Variants in CDH12 observed in about 807,000 individuals in gnomAD.
CDH12 encodes the protein cadherin 12.
CDH12 carries 41 observed loss-of-function variants against 74.1 expected under a neutral mutation model. The observed-to-expected ratio is 0.55, with a 90% CI of 0.43 to 0.72. The LOEUF (loss-of-function observed/expected upper bound fraction) is 0.72. Ranked by LOEUF, CDH12 falls within the 30% of genes least tolerant of loss-of-function variation. CDH12 has a pLI of 0.00. For missense variants in CDH12, 945 were observed against 977.2 expected (o/e 0.97, Z 0.44); for synonymous variants, 399 against 355.0 (o/e 1.12, Z -1.39).
chr5:22,408,588 T>C (rs934443388), intron 2 of CDH12, among the ~76,000 whole-genome samples: 2 of 149,850 alleles, frequency 1.3e-5, no homozygotes, highest in Non-Finnish European at 3.0e-5. Context: ...TTATTATATA[T>C]ACTATATATA....
chr5:22,014,511 G>T (rs1268452851), intron 5 of CDH12, among the ~76,000 whole-genome samples: 1 of 152,036 alleles, frequency 6.6e-6, no homozygotes, highest in Non-Finnish European at 1.5e-5. Context: ...TATATAATAT[G>T]TAATGAAGGT....
intron 4 of CDH12, among the ~76,000 whole-genome samples, chr5:22,090,602 T>TAC (rs1405282683): frequency 6.0e-5 from 8 of 132,930 alleles, no homozygotes; most frequent in South Asian, 2.3e-4. Context: ...CACACATACA[T>TAC]ACATACACAC....
chr5:22,798,212 C>T (rs1748328647), intron 1 of CDH12, among the ~76,000 whole-genome samples: 1 of 152,044 alleles, frequency 6.6e-6, no homozygotes, highest in Non-Finnish European at 1.5e-5. Context: ...CTCAATCTAC[C>T]ATTTTGATAT....
chr5:22,480,629 T>A (rs1746350814), intron 2 of CDH12, among the ~76,000 whole-genome samples: 1 of 151,572 alleles, frequency 6.6e-6, no homozygotes, highest in Non-Finnish European at 1.5e-5. Flanking sequence ...TATCCAATAG[T>A]GTCCAAAGGA....
intron 5 of CDH12, among the ~76,000 whole-genome samples, chr5:22,018,307 T>C (rs1737734792): frequency 6.6e-6 from 1 of 152,194 alleles, no homozygotes; most frequent in Non-Finnish European, 1.5e-5. Context: ...AATGATAGCA[T>C]ACATCTTTAG....
In CDH12 at chr5:22,632,647, G is replaced by A. The variant is rs1222484001; in HGVS notation, c.-522-127283C>T. On this transcript the variant is annotated intron_variant, in intron 1 of 14. Transcript: ENST00000382254. Reference sequence around the variant, plus strand: ...ATAATATGCAGAAAGAAAAATAACTGTAAAGGTGAACAGCACCTCAGAGAT... The same window carrying A: ...ATAATATGCAGAAAGAAAAATAACTATAAAGGTGAACAGCACCTCAGAGAT... Among the ~76,000 whole-genome samples the A allele has an allele frequency of 2.0e-5, 3 of 152,026 alleles. No individual in the cohort carries two copies. The East Asian group carries it at 5.8e-4, about 29-fold the overall frequency.
chr5:22,130,818 G>A (rs1746139931), intron 4 of CDH12, among the ~76,000 whole-genome samples: 1 of 151,854 alleles, frequency 6.6e-6, no homozygotes, highest in South Asian at 2.1e-4. Flanking sequence ...CATCATATAT[G>A]AAAACTTCTC....
intron 4 of CDH12, among the ~76,000 whole-genome samples, chr5:22,080,829 G>C (rs1044688384): frequency 1.3e-5 from 2 of 151,800 alleles, no homozygotes; most frequent in Admixed American, 6.6e-5. Flanking sequence ...TCCCAGGCTG[G>C]AGCGCAGTGG....
chr5:22,652,914 A>G (rs1224361197), intron 1 of CDH12, among the ~76,000 whole-genome samples: 1 of 152,192 alleles, frequency 6.6e-6, no homozygotes, highest in Admixed American at 6.5e-5. Context: ...GGTAGAAGAG[A>G]TAACATTGAT....
chr5:21,887,421 C>G (rs1752687391), intron 6 of CDH12, among the ~76,000 whole-genome samples: 2 of 152,098 alleles, frequency 1.3e-5, no homozygotes, highest in Admixed American at 1.3e-4. Context: ...AATTCTGTCT[C>G]CAAATGAACA....
intron 4 of CDH12, among the ~76,000 whole-genome samples, chr5:22,099,047 C>T (rs975430413): frequency 6.6e-6 from 1 of 152,148 alleles, no homozygotes; most frequent in Non-Finnish European, 1.5e-5. Flanking sequence ...GATTTGCCCC[C>T]ACCCAGGACT....
At chr5:22,448,905 G>A (rs1365006534) in intron 2 of CDH12, among the ~76,000 whole-genome samples, 1 of 151,802 alleles carries the variant, frequency 6.6e-6, no homozygotes, top group Non-Finnish European at 1.5e-5. Context: ...TTCAAGAAAT[G>A]TCAATAAAAA....
chr5:22,215,200 T>A (rs1276496270), intron 3 of CDH12, among the ~76,000 whole-genome samples: 3 of 151,948 alleles, frequency 2.0e-5, no homozygotes, highest in African/African-American at 7.2e-5. Context: ...TGTTGCGTAG[T>A]CAGTACAGAA....
chr5:22,048,956 A>G lies in CDH12; in HGVS notation c.231+29490T>C, dbSNP rs568230105. 2.0e-5 allele frequency among the ~76,000 whole-genome samples: 3 copies of G among 152,132 alleles called. No individual in the cohort carries two copies. In the South Asian group the frequency reaches 6.2e-4, roughly 31 times the overall value. ...ATTTAGTAGAAAGATTAATCCATTC[A>G]TACTCCAAAAAGAAACTATATTTTT... is the stretch of plus-strand genomic sequence containing the variant. On this transcript the variant is annotated intron_variant, in intron 5 of 14. Transcript: ENST00000382254.
At chr5:22,551,668 G>C (rs1412773220) in intron 1 of CDH12, among the ~76,000 whole-genome samples, 1 of 151,742 alleles carries the variant, frequency 6.6e-6, no homozygotes, top group Non-Finnish European at 1.5e-5. Flanking sequence ...TCTTGTGAGG[G>C]ACACAGATAG....
chr5:21,883,872 A>G (rs1752490147), intron 6 of CDH12: 1 of 1,607,024 alleles, frequency 6.2e-7, no homozygotes, highest in Non-Finnish European at 8.5e-7. Flanking sequence ...CCTTAATGCT[A>G]CAAGAGCTGC....
At chr5:21,941,440 T>TA (rs781268485) in intron 6 of CDH12, among the ~76,000 whole-genome samples, 7 of 152,162 alleles carry the variant, frequency 4.6e-5, no homozygotes, top group South Asian at 2.1e-4. Flanking sequence ...GAGTTGTTTT[T>TA]AAAAAATGAG....
intron 6 of CDH12, among the ~76,000 whole-genome samples, chr5:21,962,582 C>T (rs1176724469): frequency 6.6e-6 from 1 of 151,964 alleles, no homozygotes; most frequent in African/African-American, 2.4e-5. Flanking sequence ...TTTCCTGCTT[C>T]TTTGCATAAC....
intron 1 of CDH12, among the ~76,000 whole-genome samples, chr5:22,708,896 C>T (rs542373238): frequency 1.3e-5 from 2 of 152,192 alleles, no homozygotes; most frequent in East Asian, 3.9e-4. Flanking sequence ...AAGTTAGATG[C>T]CACCGGCCAC....
Sources: allele counts gnomAD v4.1 joint callset (sites outside exome capture counted in the v4.1 genomes callset), GRCh38; gene constraint gnomAD v4.1.1; transcripts MANE v1.5; gene names NCBI Gene and HGNC (gene_info 2026-07-23, HGNC 2026-07-21).